CYP7A1: variants seen among roughly 807,000 people sequenced by gnomAD.
CYP7A1 encodes cytochrome P450 family 7 subfamily A member 1, also known as cytochrome P450 7A1.
CYP7A1 carries 28 observed loss-of-function variants against 43.8 expected under a neutral mutation model. That is an observed-to-expected ratio of 0.64 (90% CI 0.47 to 0.88). CYP7A1 has a LOEUF of 0.88. CYP7A1 is among the 40% of genes least tolerant of loss of function. The pLI is 0.00. For missense variants in CYP7A1, 637 were observed against 611.9 expected (o/e 1.04, Z -0.43); for synonymous variants, 227 against 222.5 (o/e 1.02, Z -0.18).
Position 58,497,059 on chromosome 8 carries a change from A to T in CYP7A1, c.453T>A (p.Arg151=). ...LTESMMENLQ[R]IMRPPVSSNS... ...TAGAGGAGACTGGAGGTCTCATGAT[A>T]CGTTGGAGGTTTTCCATCATGCTTT... Residue 151 remains arginine, a synonymous_variant, in exon 3 of 6, where the codon CGT becomes CGA. Transcript: ENST00000301645. The T allele has an allele frequency of 6.2e-7, 1 of 1,605,128 alleles. No homozygotes were observed. Among genetic ancestry groups the T allele is most frequent in the Non-Finnish European group, 8.5e-7 (1 of 1,179,960 alleles).
chr8:58,495,507 C>T (rs1288788151), intron 3 of CYP7A1, among the ~76,000 whole-genome samples: 1 of 152,136 alleles, frequency 6.6e-6, no homozygotes, highest in African/African-American at 2.4e-5. Flanking sequence ...GGATTACAGG[C>T]GTGAGCCATT....
intron 1 of CYP7A1, among the ~76,000 whole-genome samples, chr8:58,499,165 T>C (rs1226944446): frequency 6.6e-6 from 1 of 152,226 alleles, no homozygotes; most frequent in Non-Finnish European, 1.5e-5. Context: ...AATAATACAG[T>C]ATAAAGTAAT....
chr8:58,496,675 G>A lies in CYP7A1; in HGVS notation c.837C>T (p.His279=), dbSNP rs1166915150. 6.2e-7 allele frequency: 1 copy of A among 1,614,238 alleles called. No individual in the cohort carries two copies. The highest frequency in any genetic ancestry group is 8.5e-7 in the Non-Finnish European group (1 of 1,180,044). ...TFDDLEKAKT[H]LVVLWASQAN... is the part of the protein sequence containing the mutation. ...CTTGCGATGCCCAGAGGACCACGAG[G>A]TGTGTCTTGGCCTTCTCCAGATCAT... Residue 279 remains histidine (H), a synonymous_variant, in exon 3 of 6, where the codon CAC becomes CAT. Coordinates refer to ENST00000301645, the MANE Select transcript of CYP7A1 (RefSeq NM_000780.4).
At position 58,491,730 on chromosome 8, in the gene CYP7A1, C is replaced by A. The variant is rs554746594; in HGVS notation, c.1260G>T (p.Lys420Asn). ...DRYLDENGKT[K>N]TTFYCNGLKL... ...TGAGTCCATTACAATAGAAGGTAGT[C>A]TTTGTCTTCCCGTTTTCATCAAGAT... Residue 420 changes from lysine to asparagine, a missense_variant, in exon 6 of 6, where the codon AAG becomes AAT. Lys to Asn is a moderately conservative substitution (Grantham distance 94). Coordinates refer to ENST00000301645, the MANE Select transcript of CYP7A1 (RefSeq NM_000780.4). The A allele has an allele frequency of 6.2e-7, 1 of 1,613,590 alleles. No individual in the cohort carries two copies.
Position 58,498,236 on chromosome 8 carries a change from G to C in CYP7A1, c.314C>G (p.Ser105Cys), listed in dbSNP as rs1181579739. ...AAATGTAAAACTGCTTACCTTCGCA[G>C]AAGTAGCAAAGTGAAATTTTTTCCA... The part of the protein sequence containing the change: ...FDWKKFHFAT[S>C]AKAFGHRSID... Residue 105 changes from serine (S) to cysteine (C), a missense_variant, in exon 2 of 6, where the codon TCT becomes TGT. Ser to Cys is a moderately radical substitution (Grantham distance 112, BLOSUM62 -1). Coordinates refer to ENST00000301645, the MANE Select transcript of CYP7A1 (RefSeq NM_000780.4). 1.9e-6 allele frequency: 3 copies of C among 1,614,108 alleles called. No homozygotes were observed. Among genetic ancestry groups the C allele is most frequent in the Non-Finnish European group, 2.5e-6 (3 of 1,179,984 alleles).
chr8:58,494,491 A>C lies in CYP7A1; in HGVS notation c.1039+15T>G. On this transcript the variant is annotated intron_variant, in intron 4 of 5. Transcript: ENST00000301645. ...GGACATAGAAAATGAAACTCAACATAACAAGTATACCCACCTAATACTGGC... is the reference window on the plus strand; with the variant it reads ...GGACATAGAAAATGAAACTCAACATCACAAGTATACCCACCTAATACTGGC... 6.2e-7 allele frequency: 1 copy of C among 1,613,648 alleles called. No individual in the cohort carries two copies. Among genetic ancestry groups the C allele is most frequent in the Non-Finnish European group, 8.5e-7 (1 of 1,179,650 alleles).
rs899803163 is a variant in CYP7A1, at chr8:58,498,239, G to C, written c.311C>G (p.Thr104Ser). Residue 104 changes from threonine to serine, a missense_variant, in exon 2 of 6, where the codon ACT (threonine) becomes AGT (serine). By Grantham distance (58) the Thr-to-Ser change is moderately conservative. Coordinates refer to ENST00000301645, the MANE Select transcript of CYP7A1 (RefSeq NM_000780.4). ...YFDWKKFHFA[T>S]SAKAFGHRSI... is the part of the protein sequence containing the mutation. ...TGTAAAACTGCTTACCTTCGCAGAA[G>C]TAGCAAAGTGAAATTTTTTCCAATC... 1 of 1,614,100 alleles carries C rather than the reference G, an allele frequency of 6.2e-7. No homozygotes were observed. Among genetic ancestry groups the C allele is most frequent in the Admixed American group, 1.7e-5 (1 of 60,034 alleles).
intron 3 of CYP7A1, among the ~76,000 whole-genome samples, chr8:58,495,564 G>T (rs1809431218): frequency 1.3e-5 from 2 of 152,144 alleles, no homozygotes; most frequent in Admixed American, 6.5e-5. Flanking sequence ...TTCTAACAAG[G>T]ATTAAACATG....
chr8:58,496,566 C>T (rs1233537773), intron 3 of CYP7A1, 38 bp downstream of exon 3: 2 of 1,541,638 alleles, frequency 1.3e-6, no homozygotes, highest in African/African-American at 1.4e-5. Context: ...CTACTTTCTA[C>T]TAAAATAAAA....
Position 58,492,245 on chromosome 8 carries a change from T to A in CYP7A1, c.1215+108A>T, listed in dbSNP as rs531837289. The A allele has an allele frequency of 3.9e-5, 41 of 1,049,262 alleles. No homozygotes were observed. The African/African-American group carries it at 5.2e-4, about 13-fold the overall frequency. The allele number at this position is 1,049,262 out of a possible 1,614,324, so 65.0% of individuals were successfully genotyped here. ...ATATTTAACACAATTAAGCAGACAA[T>A]TCCTGTGACTACAATGATAAAATCA... On this transcript the variant is annotated intron_variant, in intron 5 of 5. Transcript: ENST00000301645.
chr8:58,492,365 G>T lies in CYP7A1; in HGVS notation c.1203C>A (p.Tyr401Ter). The T allele has an allele frequency of 6.2e-7, 1 of 1,613,796 alleles. No individual in the cohort carries two copies. The highest frequency in any genetic ancestry group is 1.1e-5 in the South Asian group (1 of 91,068). ...PQLMHLDPEI[Y>*]PDPLTFKYDR... is the part of the protein sequence containing the mutation. The stretch of plus-strand genomic sequence containing the variant: ...GGCAGGCACTTACCAAAGGGTCTGG[G>T]TAGATTTCTGGATCTAAGTGCATTA... The change falls in exon 5 of 6, where the codon TAC becomes TAA. Residue 401 changes from tyrosine (Y) to a stop codon, truncating the protein, a stop_gained. Coordinates refer to ENST00000301645, the MANE Select transcript of CYP7A1 (RefSeq NM_000780.4). LOFTEE classifies it high-confidence loss of function.
In CYP7A1 at chr8:58,494,561, C is replaced by T; in HGVS notation, c.984G>A (p.Leu328=). ...TLENAGQKVS[L]EGNPICLSQA... ...GACTCAAACAAATAGGATTGCCTTC[C>T]AAGCTGACTTTTTGACCAGCATTCT... is the stretch of plus-strand genomic sequence containing the variant. Residue 328 remains leucine, a synonymous_variant, in exon 4 of 6, where the codon TTG becomes TTA. Transcript: ENST00000301645. 2 of 1,614,108 alleles carry T rather than the reference C, an allele frequency of 1.2e-6. No homozygotes were observed. The highest frequency in any genetic ancestry group is 1.7e-6 in the Non-Finnish European group (2 of 1,179,988).
At chr8:58,492,914 G>A (rs1809375024) in intron 4 of CYP7A1, among the ~76,000 whole-genome samples, 1 of 152,098 alleles carries the variant, frequency 6.6e-6, no homozygotes, top group African/African-American at 2.4e-5. Flanking sequence ...ATAGGCATGT[G>A]CCACCATACC....
Position 58,494,535 on chromosome 8 carries a change from T to G in CYP7A1, c.1010A>C (p.Gln337Pro). ...TACTGGCAGGTCATTCAGTTCTGCT[T>G]GACTCAAACAAATAGGATTGCCTTC... ...SLEGNPICLS[Q>P]AELNDLPVLD... The change falls in exon 4 of 6, where the codon CAA (glutamine) becomes CCA (proline). Residue 337 changes from glutamine (Q) to proline (P), a missense_variant. Coordinates refer to ENST00000301645, the MANE Select transcript of CYP7A1 (RefSeq NM_000780.4). 6.2e-7 allele frequency: 1 copy of G among 1,614,150 alleles called. No homozygotes were observed. Among genetic ancestry groups the G allele is most frequent in the Non-Finnish European group, 8.5e-7 (1 of 1,179,998 alleles).
chr8:58,494,993 G>C (rs960414042), intron 3 of CYP7A1, among the ~76,000 whole-genome samples: 4 of 151,690 alleles, frequency 2.6e-5, no homozygotes, highest in Admixed American at 1.3e-4. Context: ...AATCAGCCAG[G>C]CATGGCAGTG....
intron 4 of CYP7A1, among the ~76,000 whole-genome samples, chr8:58,493,173 A>C (rs1206073552): frequency 6.6e-6 from 1 of 152,256 alleles, no homozygotes; most frequent in East Asian, 1.9e-4. Flanking sequence ...ATTTTATAGA[A>C]GAGTAATGTA....
chr8:58,497,268 T>C, intron 2 of CYP7A1, 78 bp from the exon 3 acceptor site: 2 of 1,189,108 alleles, frequency 1.7e-6, no homozygotes, highest in Non-Finnish European at 2.5e-6. Context: ...ACGGATTAGA[T>C]ACTTTCATAG....
At chr8:58,497,231 G>T (rs780000989) in intron 2 of CYP7A1, 41 bp from the exon 3 acceptor site, 9 of 1,495,310 alleles carry the variant, frequency 6.0e-6, no homozygotes, top group Non-Finnish European at 8.3e-6. Flanking sequence ...AGTTAAACCT[G>T]ACCTAGTCAT....
intron 5 of CYP7A1, 96 bp downstream of exon 5, chr8:58,492,257 C>A (rs1159581497): frequency 2.7e-6 from 3 of 1,122,824 alleles, no homozygotes; most frequent in Non-Finnish European, 2.7e-6. Context: ...CCTGTGACTA[C>A]AATGATAAAA....
Sources: gnomAD v4.1 joint callset for allele counts (sites outside exome capture counted in the v4.1 genomes callset) on GRCh38, gnomAD v4.1.1 for gene constraint, MANE v1.5 for transcripts, NCBI Gene and HGNC (gene_info 2026-07-23, HGNC 2026-07-21) for gene names.